The following DUOX2 variants were observed in gnomAD, a reference collection of about 807,000 sequenced individuals.
DUOX2 encodes the protein NADH/NADPH thyroid oxidase p138-tox.
Under a neutral mutation model 183.3 loss-of-function variants are expected in DUOX2, and 185 were observed. The observed-to-expected ratio is 1.01, with a 90% CI of 0.90 to 1.14. DUOX2 has a LOEUF of 1.14. Among genes scored for constraint, DUOX2 ranks in the 50% most tolerant of loss-of-function variants. The pLI, the probability that DUOX2 is intolerant of heterozygous loss-of-function variation, is 0.00. For missense variants in DUOX2, 1,999 were observed against 2,022.9 expected (o/e 0.99, Z 0.23); for synonymous variants, 788 against 812.4 (o/e 0.97, Z 0.51).
rs1894151270 is a variant in DUOX2, at chr15:45,104,097, A to T, written c.2560+43T>A. ...ATGCAGGTCATCTCCTTGCTGAAAG[A>T]CCCCTGGATTCTTGGATAGCCTGCC... On this transcript the variant is annotated intron_variant, in intron 19 of 33. Coordinates refer to ENST00000389039, the MANE Select transcript of DUOX2 (RefSeq NM_001363711.2). 3.1e-6 allele frequency: 5 copies of T among 1,613,952 alleles called. No individual in the cohort carries two copies. In the East Asian group the frequency reaches 1.1e-4, roughly 36 times the overall value.
At chr15:45,097,502 T>C (rs1595519985) in intron 28 of DUOX2, 111 bp from the exon 29 acceptor site, 1 of 1,612,038 alleles carries the variant, frequency 6.2e-7, no homozygotes, top group Admixed American at 1.7e-5. Flanking sequence ...AGGTCTGGGG[T>C]CTTAAATCTC....
chr15:45,101,163 G>T (rs111706445), intron 22 of DUOX2, 42 bp downstream of exon 22: 1 of 1,572,742 alleles, frequency 6.4e-7, no homozygotes, highest in Non-Finnish European at 8.7e-7. Context: ...CTCTGCAGGG[G>T]GCTCAGCCAG....
In DUOX2 at chr15:45,100,209, G is replaced by A. The variant is rs758497892; in HGVS notation, c.3025C>T (p.Arg1009Trp). Reference sequence around the variant, plus strand: ...TCTTGCAGCGCCTCTGTGTACAGCCGGGGAGTGGGCACTGCTGCCCTATAG... The same window carrying A: ...TCTTGCAGCGCCTCTGTGTACAGCCAGGGAGTGGGCACTGCTGCCCTATAG... ...FGKKAAVPTP[R>W]LYTEALQEKM... The change falls in exon 24 of 34, where the codon CGG (arginine) becomes TGG (tryptophan). Residue 1009 changes from arginine to tryptophan, a missense_variant. Physicochemically the swap from Arg to Trp is moderately radical, Grantham distance 101 (BLOSUM62 -3). This residue lies in a region of DUOX2 where 1,628 missense variants were observed against 1,608.6 expected (regional missense o/e 1.01). Transcript: ENST00000389039. 3.7e-6 allele frequency: 6 copies of A among 1,613,774 alleles called. No individual in the cohort carries two copies. Among genetic ancestry groups the A allele is most frequent in the South Asian group, 3.3e-5 (3 of 91,060 alleles).
intron 20 of DUOX2, among the ~76,000 whole-genome samples, chr15:45,103,550 T>C (rs550628005): frequency 1.3e-5 from 2 of 152,220 alleles, no homozygotes; most frequent in Non-Finnish European, 2.9e-5. Context: ...CTGACTATCA[T>C]GGTGATGAAT....
Position 45,100,741 on chromosome 15 carries a change from T to G in DUOX2, c.3005+14A>C. On this transcript the variant is annotated intron_variant, in intron 23 of 33. Coordinates refer to ENST00000389039, the MANE Select transcript of DUOX2 (RefSeq NM_001363711.2). ...CCATGTCTCTTTGGGCCCAGGGATT[T>G]GGGAGACACTCACTTTTTGCCAAAC... 1 of 1,612,926 alleles carries G rather than the reference T, an allele frequency of 6.2e-7. No homozygotes were observed. Among genetic ancestry groups the G allele is most frequent in the South Asian group, 1.1e-5 (1 of 91,048 alleles).
In DUOX2 at chr15:45,111,485, G is replaced by A; in HGVS notation, c.614C>T (p.Ser205Leu). 7 of 1,550,760 alleles carry A rather than the reference G, an allele frequency of 4.5e-6. No individual in the cohort carries two copies. The highest frequency in any genetic ancestry group is 2.4e-5 in the East Asian group (1 of 41,318). Residue 205 changes from serine to leucine, a missense_variant, in exon 6 of 34, where the codon TCG (serine) becomes TTG (leucine). Physicochemically the swap from Ser to Leu is moderately radical, Grantham distance 145. Transcript: ENST00000389039. ...LRSFSGGQLA[S>L]GPDPAFPRDS... is the part of the protein sequence containing the mutation. ...TCGGGGGAAAGCGGGGTCGGGCCCCGACGCCAGCTGTCCCCCCGAGAAGCT... is the reference window on the plus strand; with the variant it reads ...TCGGGGGAAAGCGGGGTCGGGCCCCAACGCCAGCTGTCCCCCCGAGAAGCT...
At position 45,095,997 on chromosome 15, in the gene DUOX2, C is replaced by T. The variant is rs779747989; in HGVS notation, c.3911G>A (p.Arg1304Gln). Residue 1304 changes from arginine to glutamine, a missense_variant, in exon 30 of 34, where the codon CGG becomes CAG. Physicochemically the swap from Arg to Gln is conservative, Grantham distance 43 (BLOSUM62 1). This residue lies in a region of DUOX2 where 1,628 missense variants were observed against 1,608.6 expected (regional missense o/e 1.01). Coordinates refer to ENST00000389039, the MANE Select transcript of DUOX2 (RefSeq NM_001363711.2). ...GGTCCCCAGAGCCAGGCAGGCGATC[C>T]GCACCCACTGTCCTGACTTGTACTC... The part of the protein sequence containing the change: ...GFEYKSGQWV[R>Q]IACLALGTTE... The T allele has an allele frequency of 1.7e-5, 28 of 1,613,962 alleles. No homozygotes were observed. The highest frequency in any genetic ancestry group is 8.0e-5 in the African/African-American group (6 of 74,882).
intron 20 of DUOX2, among the ~76,000 whole-genome samples, chr15:45,103,564 G>T (rs545466307): frequency 6.6e-6 from 1 of 152,294 alleles, no homozygotes; most frequent in African/African-American, 2.4e-5. Context: ...GATGAATAGC[G>T]GAGCAGCAAC....
chr15:45,102,122 A>C, intron 20 of DUOX2, 133 bp from the exon 21 acceptor site: 1 of 1,170,998 alleles, frequency 8.5e-7, no homozygotes, highest in Non-Finnish European at 1.2e-6. Context: ...GAAGGTGCTC[A>C]TCCAGCCTGC....
chr15:45,099,258 C>T (rs551041729), intron 26 of DUOX2, 125 bp downstream of exon 26: 1 of 763,380 alleles, frequency 1.3e-6, no homozygotes, highest in South Asian at 1.5e-5. Context: ...GATCCGCCCA[C>T]CTCGGCCTCC....
intron 10 of DUOX2, 70 bp from the exon 11 acceptor site, chr15:45,109,696 T>A: frequency 6.6e-7 from 1 of 1,517,068 alleles, no homozygotes; most frequent in Non-Finnish European, 9.2e-7. Flanking sequence ...TGGACCACTT[T>A]AGTACCCCAG....
In DUOX2 at chr15:45,099,808, A is replaced by T. The variant is rs746301343; in HGVS notation, c.3269T>A (p.Val1090Asp). The change falls in exon 25 of 34, where the codon GTC (valine) becomes GAC (aspartate). Residue 1090 changes from valine to aspartate, a missense_variant. Transcript: ENST00000389039. ...CAAGATATAAGAGAACATGAAGGAG[A>T]CGCTGGCCGCCGTGCCTCGTGACAG... ...IILSRGTAAS[V>D]SFMFSYILLT... 1 of 1,614,140 alleles carries T rather than the reference A, an allele frequency of 6.2e-7. No homozygotes were observed. Among genetic ancestry groups the T allele is most frequent in the Non-Finnish European group, 8.5e-7 (1 of 1,180,024 alleles).
At position 45,112,651 on chromosome 15, in the gene DUOX2, C is replaced by A. The variant is rs541349260; in HGVS notation, c.228G>T (p.Pro76=). 1 of 1,612,844 alleles carries A rather than the reference C, an allele frequency of 6.2e-7. No homozygotes were observed. The highest frequency in any genetic ancestry group is 1.7e-5 in the Admixed American group (1 of 60,006). The change falls in exon 4 of 34, where the codon CCG becomes CCT. Residue 76 remains proline, a synonymous_variant. Transcript: ENST00000389039. The part of the protein sequence containing the change: ...ADGVYQALEE[P]QLPNPRRLSN... Reference sequence around the variant, plus strand: ...TGAGCCGGCGCGGGTTGGGCAGCTGCGGCTCCTCCAGAGCCTGATACACAC... The same window carrying A: ...TGAGCCGGCGCGGGTTGGGCAGCTGAGGCTCCTCCAGAGCCTGATACACAC...
In DUOX2 at chr15:45,104,176, G is replaced by C; in HGVS notation, c.2524C>G (p.Arg842Gly). The stretch of plus-strand genomic sequence containing the variant: ...ACCACCAGGATGTCCAGGAACTCTC[G>C]GAAGGACAGGTAGCCATTGCCATCC... Reference protein sequence around the residue: ...DKDGNGYLSFREFLDILVVFM... With the variant: ...DKDGNGYLSFGEFLDILVVFM... Residue 842 changes from arginine (R) to glycine (G), a missense_variant, in exon 19 of 34, where the codon CGA becomes GGA. Transcript: ENST00000389039. 1 of 1,614,156 alleles carries C rather than the reference G, an allele frequency of 6.2e-7. No individual in the cohort carries two copies. The highest frequency in any genetic ancestry group is 8.5e-7 in the Non-Finnish European group (1 of 1,180,040).
rs1893876516 is a variant in DUOX2 at position 45,095,475 on chromosome 15, A to C, written c.4201T>G (p.Phe1401Val). The stretch of plus-strand genomic sequence containing the variant: ...ATTTGGCTGCCCAAGGATGACTTGA[A>C]GACCAGGTCTTTGAGGATGGAGGCA... ...PFASILKDLV[F>V]KSSLGSQMLC... The change falls in exon 31 of 34, where the codon TTC becomes GTC. Residue 1401 changes from phenylalanine (F) to valine (V), a missense_variant. Physicochemically the swap from Phe to Val is conservative, Grantham distance 50. Around this residue, in one of 3 missense-constraint regions of DUOX2, gnomAD observed 1,628 missense variants for 1,608.6 expected, o/e 1.01. Transcript: ENST00000389039. 1 of 1,614,228 alleles carries C rather than the reference A, an allele frequency of 6.2e-7. No homozygotes were observed. Among genetic ancestry groups the C allele is most frequent in the Non-Finnish European group, 8.5e-7 (1 of 1,180,046 alleles).
Position 45,108,120 on chromosome 15 carries a change from T to G in DUOX2, c.1501A>C (p.Ser501Arg), listed in dbSNP as rs1230736557. 6.2e-7 allele frequency: 1 copy of G among 1,614,136 alleles called. No homozygotes were observed. ...ESHGDPGPLFSAIVLDQFVRL... is the reference protein window; with the variant it reads ...ESHGDPGPLFRAIVLDQFVRL... ...ACAAACTGGTCGAGGACAATGGCACTGAACAGGGGTCCAGGGTCCCCATGG... is the reference window on the plus strand; with the variant it reads ...ACAAACTGGTCGAGGACAATGGCACGGAACAGGGGTCCAGGGTCCCCATGG... The change falls in exon 13 of 34, where the codon AGT becomes CGT. Residue 501 changes from serine to arginine, a missense_variant. By Grantham distance (110) the Ser-to-Arg change is moderately radical. Coordinates refer to ENST00000389039, the MANE Select transcript of DUOX2 (RefSeq NM_001363711.2).
In DUOX2 at chr15:45,096,197, G is replaced by A. The variant is rs73406323; in HGVS notation, c.3848-137C>T. On this transcript the variant is annotated intron_variant, in intron 29 of 33. Transcript: ENST00000389039. Reference sequence around the variant, plus strand: ...GGTCTGAGCAAGCGGGGCTCCTGGGGCTGGGAGTAGGAGGGTCCCCTTCTC... The same window carrying A: ...GGTCTGAGCAAGCGGGGCTCCTGGGACTGGGAGTAGGAGGGTCCCCTTCTC... 0.02 allele frequency: 15,396 copies of A among 754,784 alleles called. 1,677 individuals are homozygous for A. The African/African-American group carries it at 0.24, about 12-fold the overall frequency. The allele number at this position is 754,784 out of a possible 1,614,324, so 46.8% of individuals were successfully genotyped here.
At chr15:45,094,731 GC>G (rs1893857288) in intron 32 of DUOX2, 40 bp from the exon 33 acceptor site, 1 of 1,612,186 alleles carries the variant, frequency 6.2e-7, no homozygotes, top group Admixed American at 1.7e-5. Flanking sequence ...GACAGTCAGG[GC>G]CAGCACTCAG....
chr15:45,097,819 A>G, intron 27 of DUOX2, 78 bp from the exon 28 acceptor site: 2 of 1,607,572 alleles, frequency 1.2e-6, no homozygotes, highest in Non-Finnish European at 1.7e-6. Flanking sequence ...ACATTCCCCT[A>G]TCCTTCCCTC....
Sources: gnomAD v4.1 joint callset for allele counts (sites outside exome capture counted in the v4.1 genomes callset) on GRCh38, gnomAD v4.1.1 for gene constraint, gnomAD v4.1.1 regional missense constraint, MANE v1.5 for transcripts, NCBI Gene and HGNC (gene_info 2026-07-23, HGNC 2026-07-21) for gene names.